The following NOVA2 variants were observed in gnomAD, a reference collection of about 807,000 sequenced individuals.
The protein encoded by NOVA2 is NOVA alternative splicing regulator 2.
NOVA2 carries 9 observed loss-of-function variants against 22.5 expected under a neutral mutation model. That is an observed-to-expected ratio of 0.40 (90% CI 0.24 to 0.70). The LOEUF is 0.70. Among genes scored for constraint, NOVA2 ranks in the 30% least tolerant of loss-of-function variants. The pLI is 0.38. For missense variants in NOVA2, 383 were observed against 682.8 expected, an observed-to-expected ratio of 0.56 and a Z score of 4.89; for synonymous variants, 318 against 335.2, an observed-to-expected ratio of 0.95 and a Z score of 0.56.
intron 1 of NOVA2, among the ~76,000 whole-genome samples, chr19:45,971,062 C>A (rs565094168): frequency 1.0e-3 from 158 of 152,244 alleles, no homozygotes; most frequent in African/African-American, 3.7e-3. Context: ...CACTTAGAAA[C>A]CGTGTGACCT....
chr19:45,941,552 G>A lies in NOVA2; in HGVS notation c.397-607C>T, dbSNP rs192217248. 3.2e-3 allele frequency among the ~76,000 whole-genome samples: 489 copies of A among 152,010 alleles called. 4 individuals carry two copies. Among genetic ancestry groups the A allele is most frequent in the African/African-American group, 0.011 (459 of 41,456 alleles). ...TCTCCAGCATCCAAAATCAGGCCCA[G>A]CATGGCCTTTTGATATGCACCAGTA... On this transcript the variant is annotated intron_variant, in intron 3 of 3. Transcript: ENST00000263257.
chr19:45,947,350 A>G (rs1967856357), intron 3 of NOVA2, among the ~76,000 whole-genome samples: 1 of 152,110 alleles, frequency 6.6e-6, no homozygotes, highest in South Asian at 2.1e-4. Flanking sequence ...CAGCAGGTGT[A>G]TCTTACCTGG....
intron 1 of NOVA2, among the ~76,000 whole-genome samples, chr19:45,970,536 C>T (rs1968220253): frequency 6.6e-6 from 1 of 151,840 alleles, no homozygotes; most frequent in Non-Finnish European, 1.5e-5. Flanking sequence ...CCACCATGCC[C>T]CGATAATTTG....
chr19:45,965,163 T>C (rs1968153155), intron 1 of NOVA2, among the ~76,000 whole-genome samples: 2 of 151,870 alleles, frequency 1.3e-5, no homozygotes, highest in East Asian at 1.9e-4. Context: ...AGATAAGGGG[T>C]CCTTTATCTC....
At chr19:45,947,072 G>A (rs907615752) in intron 3 of NOVA2, among the ~76,000 whole-genome samples, 3 of 151,846 alleles carry the variant, frequency 2.0e-5, no homozygotes, top group Non-Finnish European at 2.9e-5. Context: ...CCTCTTCTCC[G>A]CTTTATTTTT....
chr19:45,961,497 T>C (rs1002610878), intron 1 of NOVA2, among the ~76,000 whole-genome samples: 3 of 145,990 alleles, frequency 2.1e-5, no homozygotes, highest in African/African-American at 7.5e-5. Context: ...TGTCAGATGG[T>C]GGGACTCCTG....
intron 3 of NOVA2, among the ~76,000 whole-genome samples, chr19:45,944,215 G>A (rs1222391070): frequency 3.3e-5 from 5 of 152,146 alleles, no homozygotes; most frequent in Non-Finnish European, 4.4e-5. Flanking sequence ...CTGAGGCAGG[G>A]TGAATCACTT....
chr19:45,945,785 C>G (rs1967827420), intron 3 of NOVA2, among the ~76,000 whole-genome samples: 1 of 151,760 alleles, frequency 6.6e-6, no homozygotes, highest in Non-Finnish European at 1.5e-5. Flanking sequence ...TGTGACAGAG[C>G]TCCCCATGCT....
intron 1 of NOVA2, among the ~76,000 whole-genome samples, chr19:45,965,968 ATGAACAC>A (rs1968162422): frequency 6.6e-6 from 1 of 152,244 alleles, no homozygotes; most frequent in Non-Finnish European, 1.5e-5. Flanking sequence ...TGCCTACACC[ATGAACAC>A]AAGTTCAGTG....
At chr19:45,949,294 A>T (rs1232410131) in intron 3 of NOVA2, among the ~76,000 whole-genome samples, 1 of 149,156 alleles carries the variant, frequency 6.7e-6, no homozygotes, top group Non-Finnish European at 1.5e-5. Flanking sequence ...ACAGTATGTG[A>T]ATTATAGCTC....
chr19:45,972,767 T>C (rs1052519022), intron 1 of NOVA2, among the ~76,000 whole-genome samples: 2 of 151,908 alleles, frequency 1.3e-5, no homozygotes, highest in Non-Finnish European at 1.5e-5. Flanking sequence ...CCCACACACC[T>C]ACCCAGCCTG....
rs1248884215 is a variant in NOVA2, at chr19:45,940,731, G to A, written c.611C>T (p.Pro204Leu). 6.2e-7 allele frequency: 1 copy of A among 1,609,928 alleles called. No individual in the cohort carries two copies. Among genetic ancestry groups the A allele is most frequent in the Non-Finnish European group, 8.5e-7 (1 of 1,179,546 alleles). Reference sequence around the variant, plus strand: ...GATGTTGAGGCAGCTGCTGCTCTGGGGGTCTTCTTGTACCTTCTGCACGAT... The same window carrying A: ...GATGTTGAGGCAGCTGCTGCTCTGGAGGTCTTCTTGTACCTTCTGCACGAT... ...SAIVQKVQED[P>L]QSSSCLNISY... The change falls in exon 4 of 4, where the codon CCC (proline) becomes CTC (leucine). Residue 204 changes from proline to leucine, a missense_variant. By Grantham distance (98) the Pro-to-Leu change is moderately conservative (BLOSUM62 -3). Transcript: ENST00000263257.
At position 45,964,584 on chromosome 19, in the gene NOVA2, T is replaced by TC. The variant is rs60077185; in HGVS notation, c.86-3432_86-3431insG. ...TGATCTCTCTCTCTCTCTCTCTCTC[T>TC]TTCTCTTTCTCTGTTGCCCAGGCTG... On this transcript the variant is annotated intron_variant, in intron 1 of 3. Transcript: ENST00000263257. 3.3e-3 allele frequency among the ~76,000 whole-genome samples: 495 copies of TC among 149,872 alleles called. 2 individuals are homozygous for TC. Among genetic ancestry groups the TC allele is most frequent in the South Asian group, 0.023 (110 of 4,728 alleles).
At chr19:45,970,651 C>T (rs1176583473) in intron 1 of NOVA2, among the ~76,000 whole-genome samples, 2 of 152,138 alleles carry the variant, frequency 1.3e-5, no homozygotes, top group African/African-American at 4.8e-5. Flanking sequence ...GCTGGGATTA[C>T]AGGCATGAGC....
intron 1 of NOVA2, among the ~76,000 whole-genome samples, chr19:45,965,764 G>C (rs1968159870): frequency 6.6e-6 from 1 of 152,282 alleles, no homozygotes; most frequent in East Asian, 1.9e-4. Flanking sequence ...CCACTGATGG[G>C]CTCTATGCCC....
intron 1 of NOVA2, among the ~76,000 whole-genome samples, chr19:45,964,348 TTGTGTGTGTGTGTGTGTGTGTGTGTG>T (rs57818599): frequency 1.2e-4 from 14 of 119,508 alleles, no homozygotes; most frequent in East Asian, 9.9e-4. Context: ...CCCGGCTAAT[TTGTGTGTGTGTGTGTGTGTGTGTGTG>T]TGTGTGTGTG....
intron 2 of NOVA2, among the ~76,000 whole-genome samples, chr19:45,955,623 G>GAAC (rs1967993276): frequency 6.6e-6 from 1 of 152,104 alleles, no homozygotes; most frequent in Non-Finnish European, 1.5e-5. Flanking sequence ...ACTTTGGGAG[G>GAAC]CCGAGGTGGG....
At chr19:45,953,609 A>G (rs565526053) in intron 3 of NOVA2, among the ~76,000 whole-genome samples, 171 bp downstream of exon 3, 2 of 152,212 alleles carry the variant, frequency 1.3e-5, no homozygotes, top group Non-Finnish European at 2.9e-5. Context: ...TTTCTATTCT[A>G]TTAGAGCTGA....
At chr19:45,973,082 G>A in intron 1 of NOVA2, among the ~76,000 whole-genome samples, 185 bp downstream of exon 1, 1 of 82,532 alleles carries the variant, frequency 1.2e-5, no homozygotes, top group Admixed American at 1.4e-4. Flanking sequence ...TCCCAGCCCC[G>A]GGCCTCAGCG....
Sources: allele counts gnomAD v4.1 joint callset (sites outside exome capture counted in the v4.1 genomes callset), GRCh38; gene constraint gnomAD v4.1.1; transcripts MANE v1.5; gene names NCBI Gene and HGNC (gene_info 2026-07-23, HGNC 2026-07-21).